Variants in SBF2 observed in about 807,000 individuals in gnomAD.
The protein encoded by SBF2 is myotubularin-related protein 13.
Under a neutral mutation model 225.2 loss-of-function variants are expected in SBF2, and 112 were observed. The observed-to-expected ratio is 0.50, with a 90% CI of 0.43 to 0.58. The LOEUF is 0.58. Among genes scored for constraint, SBF2 ranks in the 20% least tolerant of loss-of-function variants. The pLI, the probability that SBF2 is intolerant of heterozygous loss-of-function variation, is 0.00. For synonymous variants in SBF2, 763 were observed against 773.3 expected (o/e 0.99, Z 0.22); for missense variants, 1,996 against 2,206.2 (o/e 0.90, Z 1.91).
At chr11:10,072,120 A>C (rs1276341483) in intron 2 of SBF2, among the ~76,000 whole-genome samples, 1 of 152,244 alleles carries the variant, frequency 6.6e-6, no homozygotes, top group Non-Finnish European at 1.5e-5. Flanking sequence ...GAATAGTACA[A>C]TGAAACCCAT....
At chr11:10,204,009 C>T (rs1026984430) in intron 1 of SBF2, among the ~76,000 whole-genome samples, 20 of 151,948 alleles carry the variant, frequency 1.3e-4, no homozygotes, top group African/African-American at 4.8e-4. Flanking sequence ...TTGATGAAAA[C>T]TATAAACACA....
chr11:10,020,950 G>A (rs182721835), intron 6 of SBF2, among the ~76,000 whole-genome samples: 7 of 148,088 alleles, frequency 4.7e-5, no homozygotes, highest in South Asian at 4.5e-4. Context: ...AGAGATCATC[G>A]ATGGAGACAT....
At chr11:9,939,174 C>T (rs1865094511) in intron 16 of SBF2, among the ~76,000 whole-genome samples, 1 of 152,240 alleles carries the variant, frequency 6.6e-6, no homozygotes, top group South Asian at 2.1e-4. Flanking sequence ...CGGCTCACTG[C>T]AACCTCTGCC....
chr11:9,993,323 G>A (rs931049765), intron 10 of SBF2, among the ~76,000 whole-genome samples: 2 of 152,180 alleles, frequency 1.3e-5, no homozygotes, highest in Non-Finnish European at 2.9e-5. Flanking sequence ...GAAACTTACA[G>A]ATTCTGTTAG....
chr11:10,106,202 T>C (rs1309383082), intron 2 of SBF2, among the ~76,000 whole-genome samples: 2 of 152,166 alleles, frequency 1.3e-5, no homozygotes, highest in African/African-American at 4.8e-5. Flanking sequence ...CCCTCTGTAG[T>C]TTTTAATAGG....
At chr11:10,301,403 A>G (rs1460795364) in intron 1 of SBF2, among the ~76,000 whole-genome samples, 2 of 152,176 alleles carry the variant, frequency 1.3e-5, no homozygotes, top group African/African-American at 4.8e-5. Context: ...CTTGTAAGTG[A>G]TCAAATCCAC....
chr11:10,250,746 T>A (rs999799007), intron 1 of SBF2, among the ~76,000 whole-genome samples: 1 of 152,230 alleles, frequency 6.6e-6, no homozygotes, highest in Non-Finnish European at 1.5e-5. Context: ...ACTTGAAGAC[T>A]GGATGTTCTG....
At chr11:10,052,607 C>T (rs1385523324) in intron 2 of SBF2, among the ~76,000 whole-genome samples, 1 of 152,152 alleles carries the variant, frequency 6.6e-6, no homozygotes, top group East Asian at 1.9e-4. Context: ...TGTTTACTTG[C>T]TTGTTTGTTT....
intron 1 of SBF2, among the ~76,000 whole-genome samples, chr11:10,214,901 C>A (rs1057362178): frequency 6.6e-6 from 1 of 152,152 alleles, no homozygotes; most frequent in African/African-American, 2.4e-5. Context: ...AGATAAGAAT[C>A]AGATGCTCAC....
intron 1 of SBF2, among the ~76,000 whole-genome samples, chr11:10,244,643 C>G (rs1959587112): frequency 6.6e-6 from 1 of 152,072 alleles, no homozygotes; most frequent in African/African-American, 2.4e-5. Context: ...TATCCTGTTT[C>G]TGTAAAAAAT....
At chr11:10,018,665 T>C (rs879524245) in intron 6 of SBF2, among the ~76,000 whole-genome samples, 8 of 152,200 alleles carry the variant, frequency 5.3e-5, no homozygotes, top group Non-Finnish European at 1.0e-4. Context: ...TTCTGAACTT[T>C]CCTCAGATTA....
chr11:10,284,132 A>AT (rs1397851012), intron 1 of SBF2, among the ~76,000 whole-genome samples: 2 of 152,206 alleles, frequency 1.3e-5, no homozygotes, highest in South Asian at 4.1e-4. Context: ...AATTGTAAGA[A>AT]TTAATACAGA....
intron 2 of SBF2, among the ~76,000 whole-genome samples, chr11:10,124,356 CTG>C (rs1218886127): frequency 6.6e-6 from 1 of 152,172 alleles, no homozygotes; most frequent in African/African-American, 2.4e-5. Context: ...AGTCTAGACA[CTG>C]TGAAGTTCCA....
intron 30 of SBF2, chr11:9,809,231 C>T (rs1012691904): frequency 1.8e-5 from 8 of 447,890 alleles, no homozygotes; most frequent in Non-Finnish European, 3.3e-5. Context: ...TTTGGGAGGC[C>T]GAGCCGGGCA....
At chr11:10,186,688 C>T (rs918748907) in intron 2 of SBF2, among the ~76,000 whole-genome samples, 5 of 152,136 alleles carry the variant, frequency 3.3e-5, no homozygotes, top group African/African-American at 4.8e-5. Flanking sequence ...CTTCTCTCTC[C>T]CCACTGGGGG....
rs1300237309 is a variant in SBF2 at position 9,845,604 on chromosome 11, A to C, written c.3071T>G (p.Ile1024Arg). The C allele has an allele frequency of 6.2e-7, 1 of 1,613,914 alleles. No homozygotes were observed. The highest frequency in any genetic ancestry group is 8.5e-7 in the Non-Finnish European group (1 of 1,179,780). ...CTTTTCCTTCTGTTTTGGTAAAATTATTTGTGGGGTAGTTTGTCCAGCAGC... is the reference window on the plus strand; with the variant it reads ...CTTTTCCTTCTGTTTTGGTAAAATTCTTTGTGGGGTAGTTTGTCCAGCAGC... ...AFAAGQTTPQ[I>R]ILPKQKEKNT... Residue 1024 changes from isoleucine (I) to arginine (R), a missense_variant, in exon 24 of 40, where the codon ATA becomes AGA. By Grantham distance (97) the Ile-to-Arg change is moderately conservative. Transcript: ENST00000256190.
At chr11:9,870,777 T>C (rs1858658954) in intron 17 of SBF2, among the ~76,000 whole-genome samples, 1 of 151,950 alleles carries the variant, frequency 6.6e-6, no homozygotes, top group African/African-American at 2.4e-5. Flanking sequence ...AGATTGAGAC[T>C]ATCCTGGCCA....
intron 28 of SBF2, among the ~76,000 whole-genome samples, 173 bp from the exon 29 acceptor site, chr11:9,817,197 A>T (rs925707267): frequency 2.0e-5 from 3 of 152,218 alleles, no homozygotes; most frequent in African/African-American, 7.2e-5. Flanking sequence ...ACATTATCCA[A>T]TATAGCATTT....
At chr11:9,878,060 T>C (rs1859424984) in intron 17 of SBF2, among the ~76,000 whole-genome samples, 1 of 152,188 alleles carries the variant, frequency 6.6e-6, no homozygotes, top group African/African-American at 2.4e-5. Context: ...CAGCATCTGT[T>C]GTTTCCTGAC....
Sources: allele counts gnomAD v4.1 joint callset (sites outside exome capture counted in the v4.1 genomes callset), GRCh38; gene constraint gnomAD v4.1.1; transcripts MANE v1.5; gene names NCBI Gene and HGNC (gene_info 2026-07-23, HGNC 2026-07-21).